The following PIP5K1C variants were observed in gnomAD, a reference collection of about 807,000 sequenced individuals.
The protein encoded by PIP5K1C is phosphatidylinositol 4-phosphate 5-kinase type-1 gamma.
Under a neutral mutation model 80.1 loss-of-function variants are expected in PIP5K1C, and 45 were observed. The observed-to-expected ratio is 0.56, with a 90% CI of 0.44 to 0.72. PIP5K1C has a LOEUF of 0.72. Ranked by LOEUF, PIP5K1C falls within the 30% of genes least tolerant of loss-of-function variation. The probability of loss-of-function intolerance (pLI) is 0.00; values close to 1 mark genes in which losing one functional copy is unlikely to be tolerated. For synonymous variants in PIP5K1C, 498 were observed against 420.1 expected, an observed-to-expected ratio of 1.19 and a Z score of -2.27; for missense variants, 753 against 954.6, an observed-to-expected ratio of 0.79 and a Z score of 2.78.
chr19:3,647,231 G>A (rs2034266905), intron 10 of PIP5K1C, 107 bp downstream of exon 10: 1 of 973,234 alleles, frequency 1.0e-6, no homozygotes, highest in Non-Finnish European at 1.6e-6. Context: ...AGGGATGGGA[G>A]GAGGGTGCAG....
At chr19:3,640,350 C>A (rs2033909845) in intron 15 of PIP5K1C, among the ~76,000 whole-genome samples, 2 of 152,164 alleles carry the variant, frequency 1.3e-5, no homozygotes, top group Admixed American at 1.3e-4. Flanking sequence ...CCCATCTCTA[C>A]TAAAAATACA....
chr19:3,680,128 C>T (rs1371524000), intron 1 of PIP5K1C, among the ~76,000 whole-genome samples: 1 of 152,214 alleles, frequency 6.6e-6, no homozygotes, highest in Admixed American at 6.5e-5. Context: ...AAGATGCACT[C>T]TCTTCTGATT....
Position 3,630,306 on chromosome 19 carries a change from C to T in PIP5K1C, c.*2861G>A, listed in dbSNP as rs1368693846. On this transcript the variant is annotated 3_prime_UTR_variant, in exon 18 of 18. Transcript: ENST00000335312. ...AGGAGTGGCTGTATGGTTTCAGAGG[C>T]GCCCACCACTCTGGGTTTGAGGGAC... The T allele has an allele frequency of 1.3e-5, 2 of 152,384 alleles. No individual in the cohort carries two copies. Among genetic ancestry groups the T allele is most frequent in the Admixed American group, 6.6e-5 (1 of 15,242 alleles). The allele number at this position is 152,384 out of a possible 1,614,324, so 9.4% of individuals were successfully genotyped here.
intron 16 of PIP5K1C, among the ~76,000 whole-genome samples, chr19:3,635,183 T>C (rs1404267530): frequency 6.6e-6 from 1 of 152,218 alleles, no homozygotes; most frequent in Non-Finnish European, 1.5e-5. Flanking sequence ...AGCCGCTCTC[T>C]GGGAGGGGCA....
At chr19:3,699,011 C>T (rs1483163789) in intron 1 of PIP5K1C, among the ~76,000 whole-genome samples, 1 of 149,298 alleles carries the variant, frequency 6.7e-6, no homozygotes, top group Non-Finnish European at 1.5e-5. Flanking sequence ...TTTATCTGTC[C>T]CCGGTGCTCC....
chr19:3,689,573 C>T lies in PIP5K1C; in HGVS notation c.94+10724G>A, dbSNP rs575335614. Among the ~76,000 whole-genome samples, 9 of 152,186 alleles carry T rather than the reference C, an allele frequency of 5.9e-5. No individual in the cohort carries two copies. The South Asian group carries it at 6.2e-4, about 11-fold the overall frequency. ...CTGAGGCAGCAGAATTGCTTGAAAC[C>T]GGAAGACAGAGGTTTCGGTGAGCTG... On this transcript the variant is annotated intron_variant, in intron 1 of 17. Transcript: ENST00000335312.
chr19:3,667,210 G>T, intron 2 of PIP5K1C, 112 bp downstream of exon 2: 1 of 886,130 alleles, frequency 1.1e-6, no homozygotes, highest in Non-Finnish European at 1.8e-6. Context: ...GACGGCATTT[G>T]GGGCCCAGAG....
Position 3,696,578 on chromosome 19 carries a change from G to C in PIP5K1C, c.94+3719C>G, listed in dbSNP as rs1447750692. On this transcript the variant is annotated intron_variant, in intron 1 of 17. Coordinates refer to ENST00000335312, the MANE Select transcript of PIP5K1C (RefSeq NM_012398.3). This position sits in a 1 kb window ranked among gnomAD's most constrained non-coding sequence, Gnocchi z 4.1. Reference sequence around the variant, plus strand: ...CCTGGAAAGCGCTAAGGGAGCAAAGGACACAGATGGGAGGAGGGGCATTCC... The same window carrying C: ...CCTGGAAAGCGCTAAGGGAGCAAAGCACACAGATGGGAGGAGGGGCATTCC... Among the ~76,000 whole-genome samples, 1 of 130,224 alleles carries C rather than the reference G, an allele frequency of 7.7e-6. No individual in the cohort carries two copies. The highest frequency in any genetic ancestry group is 1.6e-5 in the Non-Finnish European group (1 of 63,030). The allele number at this position is 130,224 out of a possible 152,430, so 85.4% of individuals were successfully genotyped here.
chr19:3,649,873 G>A (rs1338379419), intron 8 of PIP5K1C: 2 of 276,078 alleles, frequency 7.2e-6, no homozygotes, highest in South Asian at 3.1e-5. Context: ...GTGCCCACAC[G>A]TCCCCTGCCC....
At chr19:3,645,506 C>T (rs1335129847) in intron 11 of PIP5K1C, among the ~76,000 whole-genome samples, 1 of 152,242 alleles carries the variant, frequency 6.6e-6, no homozygotes, top group Non-Finnish European at 1.5e-5. Flanking sequence ...CCACTGTTTG[C>T]CCTGGGACCT....
At position 3,696,100 on chromosome 19, in the gene PIP5K1C, G is replaced by T. The variant is rs564252628; in HGVS notation, c.94+4197C>A. Among the ~76,000 whole-genome samples the T allele has an allele frequency of 2.6e-5, 4 of 152,178 alleles. No homozygotes were observed. The highest frequency in any genetic ancestry group is 9.6e-5 in the African/African-American group (4 of 41,510). Reference sequence around the variant, plus strand: ...TGGTGGCGGTGCTGACTCCCTGCCCGGCCGCCCTGTGACCACACTACACTG... The same window carrying T: ...TGGTGGCGGTGCTGACTCCCTGCCCTGCCGCCCTGTGACCACACTACACTG... On this transcript the variant is annotated intron_variant, in intron 1 of 17. Coordinates refer to ENST00000335312, the MANE Select transcript of PIP5K1C (RefSeq NM_012398.3). The surrounding 1 kb of genome is among the most constrained non-coding windows in gnomAD (Gnocchi z 4.1).
chr19:3,647,522 G>A (rs2034282765), intron 9 of PIP5K1C, 136 bp from the exon 10 acceptor site: 2 of 773,648 alleles, frequency 2.6e-6, no homozygotes, highest in South Asian at 1.5e-5. Flanking sequence ...AACTCAGGGT[G>A]GCAGGTGCTC....
chr19:3,700,298 TGCCGCCGCCCCGCTCTCTGCCGCCCAC>T lies in PIP5K1C; in HGVS notation c.66_92del (p.Trp23_Ala31del). 7.8e-7 allele frequency: 1 copy of T among 1,274,006 alleles called. No homozygotes were observed. Among genetic ancestry groups the T allele is most frequent in the Admixed American group, 2.9e-5 (1 of 34,210 alleles). 78.9% of individuals were successfully genotyped at this position (1,274,006 alleles called of 1,614,324 possible). Reference sequence around the variant, plus strand: ...AGCCCCGGGAGGCCGGGCCGTTACCTGCCGCCGCCCCGCTCTCTGCCGCCCACGCCGCCTCCGAGGGCACGGCCCCCG... The same window carrying T: ...AGCCCCGGGAGGCCGGGCCGTTACCTGCCGCCTCCGAGGGCACGGCCCCCG... On this transcript the variant is annotated inframe_deletion and splice_region_variant, in exon 1 of 18. Coordinates refer to ENST00000335312, the MANE Select transcript of PIP5K1C (RefSeq NM_012398.3).
intron 11 of PIP5K1C, 95 bp downstream of exon 11, chr19:3,645,878 AG>A: frequency 2.2e-6 from 2 of 911,802 alleles, no homozygotes; most frequent in South Asian, 1.3e-5. Flanking sequence ...TGCCCTGCCC[AG>A]GGGGCTCTCG....
intron 1 of PIP5K1C, among the ~76,000 whole-genome samples, chr19:3,672,951 A>C (rs2035256982): frequency 3.5e-5 from 2 of 57,264 alleles, no homozygotes; most frequent in East Asian, 4.9e-4. Context: ...GAAGCTGGGG[A>C]CTGGGGGGCT....
rs755267378 is a variant in PIP5K1C, at chr19:3,639,051, C to G, written c.1788-35G>C. 50 of 1,605,340 alleles carry G rather than the reference C, an allele frequency of 3.1e-5. No homozygotes were observed. The East Asian group carries it at 1.0e-3, about 34-fold the overall frequency. ...GGAGTAGACAGAGGGTCTTGACCCT[C>G]AGGCCCCACACGGAGACTCCCCGCG... On this transcript the variant is annotated intron_variant, in intron 15 of 17. Transcript: ENST00000335312.
intron 6 of PIP5K1C, among the ~76,000 whole-genome samples, chr19:3,653,987 TACAC>T (rs903150525): frequency 2.0e-5 from 3 of 152,076 alleles, no homozygotes; most frequent in Non-Finnish European, 4.4e-5. Flanking sequence ...CACAAACACA[TACAC>T]ACACACGCAC....
In PIP5K1C at chr19:3,653,536, G is replaced by A. The variant is rs150537614; in HGVS notation, c.675C>T (p.Cys225=). The A allele has an allele frequency of 9.2e-5, 148 of 1,613,718 alleles. No individual in the cohort carries two copies. In the Admixed American group the frequency reaches 1.6e-3, roughly 17 times the overall value. ...GGATGTTCTTGCCCCCCGACTGCAC[G>A]CAGTACAGCCCATAGAACTTGGGCA... ...TLLPKFYGLY[C]VQSGGKNIRV... The change falls in exon 7 of 18, where the codon TGC becomes TGT. Residue 225 remains cysteine, a synonymous_variant. Transcript: ENST00000335312.
chr19:3,661,757 G>A (rs537984354), intron 4 of PIP5K1C, 114 bp downstream of exon 4: 12 of 1,295,154 alleles, frequency 9.3e-6, no homozygotes, highest in African/African-American at 2.9e-5. Flanking sequence ...CCAAGGAGGC[G>A]CCAGGAGGGG....
Sources: allele counts gnomAD v4.1 joint callset (sites outside exome capture counted in the v4.1 genomes callset), GRCh38; gene constraint gnomAD v4.1.1; non-coding constraint Gnocchi (gnomAD v3.1); transcripts MANE v1.5; gene names NCBI Gene and HGNC (gene_info 2026-07-23, HGNC 2026-07-21).